The following PDLIM5 variants were observed in gnomAD, a reference collection of about 807,000 sequenced individuals.
The protein encoded by PDLIM5 is PDZ and LIM domain protein 5.
PDLIM5 carries 34 observed loss-of-function variants against 64.2 expected under a neutral mutation model. The observed-to-expected ratio is 0.53, with a 90% CI of 0.40 to 0.71. PDLIM5 has a LOEUF of 0.71. PDLIM5 is among the 30% of genes least tolerant of loss of function. The pLI is 0.00. For synonymous variants in PDLIM5, 253 were observed against 269.1 expected, an observed-to-expected ratio of 0.94 and a Z score of 0.59; for missense variants, 683 against 733.6, an observed-to-expected ratio of 0.93 and a Z score of 0.80.
intron 2 of PDLIM5, among the ~76,000 whole-genome samples, chr4:94,522,671 T>G (rs1312763858): frequency 6.6e-6 from 1 of 152,236 alleles, no homozygotes; most frequent in African/African-American, 2.4e-5. Context: ...ATAATTCAGT[T>G]GCATTCACTG....
At chr4:94,507,166 C>T (rs969584259) in intron 2 of PDLIM5, among the ~76,000 whole-genome samples, 4 of 151,922 alleles carry the variant, frequency 2.6e-5, no homozygotes, top group Non-Finnish European at 5.9e-5. Flanking sequence ...GATGGCCTAT[C>T]GTGGGACTTC....
chr4:94,527,307 G>T (rs541400632), intron 3 of PDLIM5, among the ~76,000 whole-genome samples: 14 of 151,908 alleles, frequency 9.2e-5, no homozygotes, highest in African/African-American at 2.9e-4. Context: ...TGCCCGCCTT[G>T]TCCTCCCAAA....
At chr4:94,518,689 TC>T (rs1313946058) in intron 2 of PDLIM5, among the ~76,000 whole-genome samples, 1 of 152,346 alleles carries the variant, frequency 6.6e-6, no homozygotes, top group Admixed American at 6.5e-5. Context: ...CATAGAATCT[TC>T]TCTTTTCTAT....
At chr4:94,650,440 T>C (rs1193494312) in intron 9 of PDLIM5, among the ~76,000 whole-genome samples, 1 of 152,218 alleles carries the variant, frequency 6.6e-6, no homozygotes, top group African/African-American at 2.4e-5. Flanking sequence ...TCAGTTTTTT[T>C]ATAGCTTTGG....
chr4:94,623,801 A>G (rs1199653241), intron 8 of PDLIM5, among the ~76,000 whole-genome samples: 4 of 152,188 alleles, frequency 2.6e-5, no homozygotes, highest in South Asian at 4.1e-4. Flanking sequence ...CACAACAGTC[A>G]TTGAAAAGGT....
intron 5 of PDLIM5, chr4:94,582,427 T>C (rs3843444): frequency 0.53 from 164,448 of 309,868 alleles, 44,874 homozygotes; most frequent in African/African-American, 0.63. Flanking sequence ...ATACATAAAA[T>C]AGTTTTCAGT....
chr4:94,646,812 C>T lies in PDLIM5; in HGVS notation c.1283+6362C>T, dbSNP rs530052134. ...TTCTAGTCTACCCCGTGCTCACACC[C>T]GAATGATGGGTGTGACTGGAAGGAA... On this transcript the variant is annotated intron_variant, in intron 9 of 12. Transcript: ENST00000317968. Among the ~76,000 whole-genome samples the T allele has an allele frequency of 2.0e-4, 31 of 152,254 alleles. 1 individual carries two copies. The highest frequency in any genetic ancestry group is 3.9e-4 in the Admixed American group (6 of 15,306).
intron 8 of PDLIM5, among the ~76,000 whole-genome samples, chr4:94,623,218 ACAGAATTTTTGGTCCCCTTGCAATCT>A (rs1165514155): frequency 1.3e-5 from 2 of 151,966 alleles, no homozygotes; most frequent in African/African-American, 4.8e-5. Context: ...TAGCTTCTTA[ACAGAATTTTTGGTCCCCTTGCAATCT>A]CAGGCCAACC....
intron 2 of PDLIM5, among the ~76,000 whole-genome samples, chr4:94,507,004 C>T (rs541659843): frequency 2.0e-4 from 30 of 152,242 alleles, no homozygotes; most frequent in African/African-American, 6.0e-4. Flanking sequence ...TCAGGTTCTT[C>T]GGCCTTTGGA....
At chr4:94,467,673 A>C (rs892485580) in intron 2 of PDLIM5, among the ~76,000 whole-genome samples, 1 of 152,152 alleles carries the variant, frequency 6.6e-6, no homozygotes, top group African/African-American at 2.4e-5. Context: ...TCAGGATTTA[A>C]GTTTCTAGGA....
chr4:94,491,878 T>G (rs956415283), intron 2 of PDLIM5, among the ~76,000 whole-genome samples: 1 of 152,058 alleles, frequency 6.6e-6, no homozygotes. Context: ...TCCCTCTACC[T>G]CAATTACTTA....
At chr4:94,519,289 T>C (rs1022246618) in intron 2 of PDLIM5, among the ~76,000 whole-genome samples, 1 of 152,206 alleles carries the variant, frequency 6.6e-6, no homozygotes, top group Admixed American at 6.5e-5. Context: ...ATTTGTGACA[T>C]TGTGTAAGAA....
chr4:94,590,480 G>A (rs747237224), intron 7 of PDLIM5, among the ~76,000 whole-genome samples: 15 of 152,140 alleles, frequency 9.9e-5, no homozygotes, highest in Non-Finnish European at 1.6e-4. Flanking sequence ...CAATGTACTA[G>A]GGATACAGTA....
intron 10 of PDLIM5, among the ~76,000 whole-genome samples, chr4:94,655,269 A>C (rs1742126097): frequency 6.6e-6 from 1 of 152,062 alleles, no homozygotes; most frequent in African/African-American, 2.4e-5. Context: ...TGAATACATG[A>C]ATTTCTTGCT....
intron 6 of PDLIM5, among the ~76,000 whole-genome samples, chr4:94,586,050 A>G (rs1736167095): frequency 6.6e-6 from 1 of 152,090 alleles, no homozygotes; most frequent in African/African-American, 2.4e-5. Flanking sequence ...GCCACCTGTA[A>G]TCCCAGCTAC....
At chr4:94,607,709 T>G (rs1463989234) in intron 7 of PDLIM5, among the ~76,000 whole-genome samples, 1 of 152,152 alleles carries the variant, frequency 6.6e-6, no homozygotes, top group South Asian at 2.1e-4. Context: ...TTACTAGATG[T>G]ATGGTATTGG....
At chr4:94,642,991 T>C (rs1741118443) in intron 9 of PDLIM5, among the ~76,000 whole-genome samples, 1 of 152,214 alleles carries the variant, frequency 6.6e-6, no homozygotes, top group African/African-American at 2.4e-5. Context: ...CTTTTCAATA[T>C]TTCGAATTTG....
chr4:94,636,737 G>T (rs1298133256), intron 8 of PDLIM5, among the ~76,000 whole-genome samples: 2 of 151,866 alleles, frequency 1.3e-5, no homozygotes, highest in South Asian at 2.1e-4. Context: ...GGGTTTCACC[G>T]TGTTAGCCAG....
At chr4:94,455,100 G>A in intron 1 of PDLIM5, 147 bp from the exon 2 acceptor site, 1 of 498,620 alleles carries the variant, frequency 2.0e-6, no homozygotes, top group Non-Finnish European at 3.6e-6. Flanking sequence ...CTCACAGATT[G>A]CTTTTCTTAA....
Sources: gnomAD v4.1 joint callset for allele counts (sites outside exome capture counted in the v4.1 genomes callset) on GRCh38, gnomAD v4.1.1 for gene constraint, MANE v1.5 for transcripts, NCBI Gene and HGNC (gene_info 2026-07-23, HGNC 2026-07-21) for gene names.